The following UGT1A9 variants were observed in gnomAD, a reference collection of about 807,000 sequenced individuals.
The protein encoded by UGT1A9 is UDP glucuronosyltransferase family 1 member A9.
Under a neutral mutation model 45.0 loss-of-function variants are expected in UGT1A9, and 35 were observed. That is an observed-to-expected ratio of 0.78 (90% CI 0.59 to 1.03). UGT1A9 has a LOEUF of 1.03. Among genes scored for constraint, UGT1A9 ranks in the 50% least tolerant of loss-of-function variants. The pLI, the probability that UGT1A9 is intolerant of heterozygous loss-of-function variation, is 0.00. For missense variants in UGT1A9, 687 were observed against 666.6 expected, an observed-to-expected ratio of 1.03 and a Z score of -0.34; for synonymous variants, 278 against 250.6, an observed-to-expected ratio of 1.11 and a Z score of -1.03.
chr2:233,741,522 A>C (rs1173490557), intron 1 of UGT1A9: 1 of 151,908 alleles, frequency 6.6e-6, no homozygotes, highest in African/African-American at 2.4e-5. Flanking sequence ...AAGCCTTAAC[A>C]GTCTGTCTTA....
rs573485749 is a variant in UGT1A9 at position 233,724,715 on chromosome 2, C to G, written c.856-42319C>G. On this transcript the variant is annotated intron_variant, in intron 1 of 4. Coordinates refer to ENST00000354728, the MANE Select transcript of UGT1A9 (RefSeq NM_021027.3). ...GTGAAGACGCTCCTCGCTTTCCAGACTGGGCAGCCAGGCAGAGGGGCTCCT... is the reference window on the plus strand; with the variant it reads ...GTGAAGACGCTCCTCGCTTTCCAGAGTGGGCAGCCAGGCAGAGGGGCTCCT... Among the ~76,000 whole-genome samples, 232 of 143,874 alleles carry G rather than the reference C, an allele frequency of 1.6e-3. 23 individuals carry two copies. Among genetic ancestry groups the G allele is most frequent in the African/African-American group, 6.0e-3 (227 of 38,016 alleles). The allele number at this position is 143,874 out of a possible 152,430, so 94.4% of individuals were successfully genotyped here. A position where few individuals can be genotyped will look rare whatever the true frequency, so the allele number is the denominator to read the frequency against.
intron 1 of UGT1A9, among the ~76,000 whole-genome samples, chr2:233,678,542 TA>T (rs1410403740): frequency 6.6e-6 from 1 of 152,206 alleles, no homozygotes; most frequent in African/African-American, 2.4e-5. Context: ...TTGATGTATT[TA>T]AAAATGCTTT....
In UGT1A9 at chr2:233,712,997, C is replaced by T; in HGVS notation, c.855+40208C>T. ...TGTCGGTGGCTTCTGCTGAGATGGC[C>T]ACAGGACTCCAGGTTCCCCTGCCGC... On this transcript the variant is annotated intron_variant, in intron 1 of 4. Transcript: ENST00000354728. The T allele has an allele frequency of 1.9e-6, 3 of 1,613,428 alleles. No individual in the cohort carries two copies. In the East Asian group the frequency reaches 6.7e-5, roughly 36 times the overall value.
intron 1 of UGT1A9, among the ~76,000 whole-genome samples, chr2:233,710,285 G>C (rs2076123974): frequency 6.6e-6 from 1 of 152,194 alleles, no homozygotes; most frequent in Non-Finnish European, 1.5e-5. Context: ...ATACTTAAAA[G>C]TGGGATTGTT....
At chr2:233,686,635 G>A (rs945747256) in intron 1 of UGT1A9, among the ~76,000 whole-genome samples, 1 of 152,022 alleles carries the variant, frequency 6.6e-6, no homozygotes, top group Admixed American at 6.5e-5. Flanking sequence ...TCTTGATAAT[G>A]TGATATCAAA....
intron 1 of UGT1A9, chr2:233,748,124 G>C (rs1575688214): frequency 9.9e-6 from 16 of 1,610,630 alleles, no homozygotes; most frequent in Non-Finnish European, 1.3e-5. Flanking sequence ...AGGCAAAACA[G>C]TTTTTAAAAA....
At position 233,724,532 on chromosome 2, in the gene UGT1A9, G is replaced by A. The variant is rs1443471428; in HGVS notation, c.856-42502G>A. On this transcript the variant is annotated intron_variant, in intron 1 of 4. Transcript: ENST00000354728. ...CTCACCTCCCAGATGGGGTCTCGCCGGGCAGAGGCGCTCCTCACATCCCAG... is the reference window on the plus strand; with the variant it reads ...CTCACCTCCCAGATGGGGTCTCGCCAGGCAGAGGCGCTCCTCACATCCCAG... Among the ~76,000 whole-genome samples the A allele has an allele frequency of 4.9e-5, 6 of 123,286 alleles. No individual in the cohort carries two copies. In the East Asian group the frequency reaches 7.5e-4, roughly 15 times the overall value. 80.9% of individuals were successfully genotyped at this position (123,286 alleles called of 152,430 possible). A position where few individuals can be genotyped will look rare whatever the true frequency, so the allele number is the denominator to read the frequency against.
At chr2:233,683,557 T>C (rs1257532362) in intron 1 of UGT1A9, among the ~76,000 whole-genome samples, 4 of 152,214 alleles carry the variant, frequency 2.6e-5, no homozygotes, top group Non-Finnish European at 4.4e-5. Flanking sequence ...ATTGGCCTTC[T>C]TTTGCTATTA....
At chr2:233,689,696 T>G (rs2074954424) in intron 1 of UGT1A9, among the ~76,000 whole-genome samples, 1 of 152,202 alleles carries the variant, frequency 6.6e-6, no homozygotes, top group Non-Finnish European at 1.5e-5. Flanking sequence ...GTTCAGTCGT[T>G]ATTTCCCCTT....
chr2:233,699,781 T>A (rs932467039), intron 1 of UGT1A9, among the ~76,000 whole-genome samples: 1 of 152,210 alleles, frequency 6.6e-6, no homozygotes, highest in Non-Finnish European at 1.5e-5. Context: ...TGTTCCCAAG[T>A]TTCCTCCTCT....
At chr2:233,748,105 C>T in intron 1 of UGT1A9, 1 of 1,612,580 alleles carries the variant, frequency 6.2e-7, no homozygotes, top group Non-Finnish European at 8.5e-7. Flanking sequence ...TTCATCCAAT[C>T]AATGTTCCAG....
chr2:233,755,338 G>C (rs569505432), intron 1 of UGT1A9: 1 of 431,822 alleles, frequency 2.3e-6, no homozygotes, highest in East Asian at 7.3e-5. Flanking sequence ...CCCGCGCACA[G>C]GTCAGAGGCT....
intron 1 of UGT1A9, among the ~76,000 whole-genome samples, chr2:233,748,325 G>C (rs574436973): frequency 6.6e-6 from 1 of 151,854 alleles, no homozygotes; most frequent in East Asian, 1.9e-4. Context: ...GGACTGATGT[G>C]ACTCATGGAG....
At chr2:233,681,814 T>C (rs997842698) in intron 1 of UGT1A9, 48 of 1,499,374 alleles carry the variant, frequency 3.2e-5, no homozygotes, top group Non-Finnish European at 3.8e-5. Flanking sequence ...AATGTGAATT[T>C]TTTTTTAAAT....
At position 233,672,115 on chromosome 2, in the gene UGT1A9, G is replaced by C; in HGVS notation, c.181G>C (p.Glu61Gln). 1 of 1,614,188 alleles carries C rather than the reference G, an allele frequency of 6.2e-7. No individual in the cohort carries two copies. Among genetic ancestry groups the C allele is most frequent in the Non-Finnish European group, 8.5e-7 (1 of 1,180,010 alleles). ...GCATGAGGTGGTTGTAGTCATGCCA[G>C]AGGTGAGTTGGCAACTGGGAAGATC... ...RGHEVVVVMP[E>Q]VSWQLGRSLN... Residue 61 changes from glutamate to glutamine, a missense_variant, in exon 1 of 5, where the codon GAG becomes CAG. Glu to Gln is a conservative substitution (Grantham distance 29, BLOSUM62 2). Transcript: ENST00000354728.
intron 1 of UGT1A9, among the ~76,000 whole-genome samples, chr2:233,710,240 AC>A (rs2076122000): frequency 6.6e-6 from 1 of 152,210 alleles, no homozygotes; most frequent in Middle Eastern, 3.2e-3. Flanking sequence ...CTATTCGAGT[AC>A]GAGTGTTTCT....
At chr2:233,755,268 A>G (rs983713744) in intron 1 of UGT1A9, 4 of 766,442 alleles carry the variant, frequency 5.2e-6, no homozygotes, top group Non-Finnish European at 5.9e-6. Context: ...GTAGTCCACT[A>G]TGCTGGACTG....
chr2:233,720,871 A>ATT (rs60621337), intron 1 of UGT1A9, among the ~76,000 whole-genome samples: 47,878 of 132,580 alleles, frequency 0.36, 9,921 homozygotes, highest in African/African-American at 0.57. Context: ...GCTCCTGGCA[A>ATT]TTTTTTTTTT....
chr2:233,731,991 A>G (rs989443870), intron 1 of UGT1A9, among the ~76,000 whole-genome samples: 3 of 152,160 alleles, frequency 2.0e-5, no homozygotes, highest in Non-Finnish European at 2.9e-5. Context: ...CTGGCGTGAG[A>G]TGGTATCTCA....
Sources: allele counts gnomAD v4.1 joint callset (sites outside exome capture counted in the v4.1 genomes callset), GRCh38; gene constraint gnomAD v4.1.1; transcripts MANE v1.5; gene names NCBI Gene and HGNC (gene_info 2026-07-23, HGNC 2026-07-21).